Variants in CNTN5 observed in about 807,000 individuals in gnomAD.
CNTN5 encodes the protein contactin 5.
Under a neutral mutation model 129.1 loss-of-function variants are expected in CNTN5, and 77 were observed. That is an observed-to-expected ratio of 0.60 (90% confidence interval 0.50 to 0.72). The LOEUF is 0.72. Among genes scored for constraint, CNTN5 ranks in the 30% least tolerant of loss-of-function variants. CNTN5 has a pLI of 0.00. For missense variants in CNTN5, 1,478 were observed against 1,328.8 expected (o/e 1.11, Z -1.75); for synonymous variants, 509 against 465.6 (o/e 1.09, Z -1.20).
At chr11:99,749,473 G>A (rs1048336816) in intron 3 of CNTN5, among the ~76,000 whole-genome samples, 2 of 152,024 alleles carry the variant, frequency 1.3e-5, no homozygotes, top group Non-Finnish European at 2.9e-5. Context: ...ATATTATCTG[G>A]CATTGAAATA....
At chr11:99,568,793 T>C (rs1293083583) in intron 3 of CNTN5, among the ~76,000 whole-genome samples, 1 of 152,228 alleles carries the variant, frequency 6.6e-6, no homozygotes, top group Non-Finnish European at 1.5e-5. Flanking sequence ...TTTAGCTCTT[T>C]GAGAAAAATC....
chr11:99,714,407 T>C (rs1301330548), intron 3 of CNTN5, among the ~76,000 whole-genome samples: 1 of 151,938 alleles, frequency 6.6e-6, no homozygotes, highest in Non-Finnish European at 1.5e-5. Flanking sequence ...TTTAGAATTT[T>C]GAGTAGGACC....
chr11:99,270,429 T>C (rs1294763004), intron 1 of CNTN5, among the ~76,000 whole-genome samples: 1 of 151,848 alleles, frequency 6.6e-6, no homozygotes, highest in Non-Finnish European at 1.5e-5. Flanking sequence ...CCTTCTTACC[T>C]CTCATCAGTG....
At chr11:100,350,072 C>A (rs190749782) in intron 23 of CNTN5, among the ~76,000 whole-genome samples, 1 of 151,748 alleles carries the variant, frequency 6.6e-6, no homozygotes, top group Non-Finnish European at 1.5e-5. Context: ...TATCCAAATG[C>A]CGATTTTACC....
intron 3 of CNTN5, among the ~76,000 whole-genome samples, chr11:99,647,881 G>T (rs1952023947): frequency 6.6e-6 from 1 of 151,610 alleles, no homozygotes; most frequent in Non-Finnish European, 1.5e-5. Context: ...TGTTGATTTT[G>T]TATTTGCAAC....
intron 1 of CNTN5, among the ~76,000 whole-genome samples, chr11:99,098,981 C>T (rs755381510): frequency 3.3e-5 from 5 of 152,088 alleles, no homozygotes; most frequent in African/African-American, 4.8e-5. Context: ...GAAACTGCAA[C>T]TCTAGTGATA....
At chr11:99,143,566 C>T (rs1366949519) in intron 1 of CNTN5, among the ~76,000 whole-genome samples, 2 of 151,772 alleles carry the variant, frequency 1.3e-5, no homozygotes. Flanking sequence ...TTCCTTTCTC[C>T]GTCCATTCCT....
chr11:99,914,651 C>T (rs1949742710), intron 6 of CNTN5, among the ~76,000 whole-genome samples: 1 of 151,938 alleles, frequency 6.6e-6, no homozygotes. Flanking sequence ...TTTCTTTTGT[C>T]CTGCTACTTT....
intron 2 of CNTN5, among the ~76,000 whole-genome samples, chr11:99,419,885 T>A (rs1346998011): frequency 6.6e-6 from 1 of 152,106 alleles, no homozygotes; most frequent in South Asian, 2.1e-4. Context: ...ATTTCATTAA[T>A]TCAAAAAATG....
chr11:100,283,223 C>T (rs992736705), intron 18 of CNTN5, among the ~76,000 whole-genome samples: 1 of 152,150 alleles, frequency 6.6e-6, no homozygotes, highest in African/African-American at 2.4e-5. Context: ...AAATGTCATA[C>T]AGGAGCTAGG....
chr11:99,211,606 G>T (rs11606720), intron 1 of CNTN5, among the ~76,000 whole-genome samples: 75,332 of 150,690 alleles, frequency 0.5, 19,177 homozygotes, highest in Middle Eastern at 0.64. Context: ...AATTATGCAA[G>T]TTTCTTCTCT....
chr11:99,930,410 G>C (rs770533862), intron 7 of CNTN5, among the ~76,000 whole-genome samples: 2 of 152,074 alleles, frequency 1.3e-5, no homozygotes, highest in Non-Finnish European at 2.9e-5. Context: ...CTGGGAGTTT[G>C]TTGCCCAAAA....
chr11:100,208,901 G>A (rs1948966903), intron 15 of CNTN5, among the ~76,000 whole-genome samples: 1 of 152,132 alleles, frequency 6.6e-6, no homozygotes, highest in South Asian at 2.1e-4. Context: ...CAGGTCAACT[G>A]GGAGCTGTTT....
At chr11:100,169,717 G>T (rs1947767158) in intron 13 of CNTN5, among the ~76,000 whole-genome samples, 2 of 151,972 alleles carry the variant, frequency 1.3e-5, no homozygotes, top group Non-Finnish European at 2.9e-5. Flanking sequence ...TATTGAGGTG[G>T]TTTGCAACTA....
At chr11:99,716,390 GCTT>G (rs1462585627) in intron 3 of CNTN5, among the ~76,000 whole-genome samples, 1 of 151,778 alleles carries the variant, frequency 6.6e-6, no homozygotes, top group Non-Finnish European at 1.5e-5. Flanking sequence ...TAATATTCTA[GCTT>G]CTTCTTTGTC....
At chr11:99,250,744 C>T (rs951940475) in intron 1 of CNTN5, among the ~76,000 whole-genome samples, 1 of 151,758 alleles carries the variant, frequency 6.6e-6, no homozygotes, top group Non-Finnish European at 1.5e-5. Context: ...GGTCAGTTAT[C>T]TTTGGTTATT....
intron 1 of CNTN5, among the ~76,000 whole-genome samples, chr11:99,088,988 C>A (rs951529345): frequency 5.3e-5 from 8 of 152,036 alleles, no homozygotes; most frequent in African/African-American, 1.9e-4. Flanking sequence ...CACAAAAACA[C>A]AACTTCTGTA....
chr11:100,077,512 T>C (rs1285297587), intron 13 of CNTN5, among the ~76,000 whole-genome samples: 1 of 152,016 alleles, frequency 6.6e-6, no homozygotes, highest in Non-Finnish European at 1.5e-5. Context: ...GGAATTAACA[T>C]AATAGTATAT....
At chr11:99,032,081 A>G (rs78297800) in intron 1 of CNTN5, among the ~76,000 whole-genome samples, 6,387 of 152,010 alleles carry the variant, frequency 0.042, 464 homozygotes, top group East Asian at 0.23. Context: ...CCACGTCCCT[A>G]AAAAGGACAT....
Sources: gnomAD v4.1 joint callset for allele counts (sites outside exome capture counted in the v4.1 genomes callset) on GRCh38, gnomAD v4.1.1 for gene constraint, MANE v1.5 for transcripts, NCBI Gene and HGNC (gene_info 2026-07-23, HGNC 2026-07-21) for gene names.